IFRD1: variants seen among roughly 807,000 people sequenced by gnomAD.
IFRD1 encodes the protein interferon related developmental regulator 1.
A neutral mutation model predicts 52.9 loss-of-function variants in IFRD1; 35 were observed. That is an observed-to-expected ratio of 0.66 (90% CI 0.51 to 0.88). The LOEUF (loss-of-function observed/expected upper bound fraction) is 0.88, where lower values mean the gene tolerates loss of function less well. Ranked by LOEUF, IFRD1 falls within the 40% of genes least tolerant of loss-of-function variation. IFRD1 has a pLI of 0.00. For missense variants in IFRD1, 517 were observed against 550.8 expected (o/e 0.94, Z 0.61); for synonymous variants, 184 against 188.4 (o/e 0.98, Z 0.19).
At chr7:112,456,834 A>G in intron 3 of IFRD1, 80 bp from the exon 4 acceptor site, 1 of 1,344,420 alleles carries the variant, frequency 7.4e-7, no homozygotes, top group Non-Finnish European at 1.1e-6. Context: ...GGTAAAGTTT[A>G]GAAGGAAATA....
chr7:112,455,955 G>GT (rs779381754), intron 2 of IFRD1, 47 bp from the exon 3 acceptor site: 110 of 1,464,360 alleles, frequency 7.5e-5, no homozygotes, highest in Middle Eastern at 1.7e-4. Flanking sequence ...ATTATTCCCT[G>GT]TTTTTTTTCT....
At chr7:112,446,350 C>T (rs1329123293), upstream of IFRD1, 3 of 193,802 alleles carry the variant, frequency 1.5e-5, no homozygotes, top group East Asian at 1.4e-4. Context: ...CTTTCGCTTA[C>T]GCTTATTCTT....
intron 11 of IFRD1, among the ~76,000 whole-genome samples, chr7:112,473,893 C>T (rs1248508237): frequency 6.6e-6 from 1 of 152,158 alleles, no homozygotes; most frequent in African/African-American, 2.4e-5. Flanking sequence ...TGTTCATTAG[C>T]AGTCACTTCC....
At chr7:112,457,102 G>GT in intron 4 of IFRD1, 64 bp downstream of exon 4, 1 of 1,512,076 alleles carries the variant, frequency 6.6e-7, no homozygotes, top group Non-Finnish European at 9.2e-7. Flanking sequence ...CTTCTTTTCA[G>GT]TAACATTTAG....
chr7:112,451,833 C>G (rs149699806), intron 1 of IFRD1, among the ~76,000 whole-genome samples: 105 of 152,240 alleles, frequency 6.9e-4, no homozygotes, highest in African/African-American at 2.4e-3. Context: ...TATTAGCCAT[C>G]AGGTATTTTT....
rs557122719 is a variant in IFRD1 at position 112,426,281 on chromosome 7, C to T, written c.-182+2849C>T. Among the ~76,000 whole-genome samples the T allele has an allele frequency of 7.9e-5, 12 of 152,236 alleles. No homozygotes were observed. In the East Asian group the frequency reaches 9.7e-4, roughly 12 times the overall value. On this transcript the variant is annotated intron_variant, in intron 1 of 12. Coordinates refer to the IFRD1 transcript ENST00000005558. Reference sequence around the variant, plus strand: ...AGGCTCAGCTAGAAACGATATTCTCCAGTCTCCCTTGCAGTTGAGTATGGA... The same window carrying T: ...AGGCTCAGCTAGAAACGATATTCTCTAGTCTCCCTTGCAGTTGAGTATGGA...
At chr7:112,449,860 G>A (rs1795108814), upstream of IFRD1, among the ~76,000 whole-genome samples, 1 of 148,594 alleles carries the variant, frequency 6.7e-6, no homozygotes, top group Non-Finnish European at 1.5e-5. Flanking sequence ...ACATAACCCT[G>A]AACCACGGTC....
At chr7:112,450,873 T>C in intron 1 of IFRD1, 91 bp downstream of exon 1, 3 of 884,006 alleles carry the variant, frequency 3.4e-6, no homozygotes, top group Non-Finnish European at 3.8e-6. Flanking sequence ...TAGTTCTTTC[T>C]CTGATGTACA....
chr7:112,475,328 C>A, intron 11 of IFRD1, 102 bp from the exon 12 acceptor site: 1 of 710,250 alleles, frequency 1.4e-6, no homozygotes, highest in South Asian at 1.6e-5. Context: ...TTTATAGGGT[C>A]AAATTAGTTC....
At chr7:112,458,017 TG>T (rs1795337811) in intron 4 of IFRD1, 1 of 152,184 alleles carries the variant, frequency 6.6e-6, no homozygotes, top group African/African-American at 2.4e-5. Context: ...TGATATATCT[TG>T]TTATTGGTAT....
At chr7:112,425,547 G>A (rs189144963) in intron 1 of IFRD1, among the ~76,000 whole-genome samples, 39 of 152,214 alleles carry the variant, frequency 2.6e-4, no homozygotes, top group Admixed American at 5.9e-4. Context: ...GGCTTCTCAG[G>A]GGCTGTTGGA....
intron 5 of IFRD1, among the ~76,000 whole-genome samples, chr7:112,461,171 T>C (rs543328737): frequency 6.6e-6 from 1 of 152,274 alleles, no homozygotes; most frequent in African/African-American, 2.4e-5. Context: ...TGGGATTAAT[T>C]AATTAATTAG....
chr7:112,469,647 A>G (rs573434343), intron 9 of IFRD1, among the ~76,000 whole-genome samples: 1 of 152,172 alleles, frequency 6.6e-6, no homozygotes, highest in South Asian at 2.1e-4. Flanking sequence ...GCCCTCATGC[A>G]TCCCCTTTGA....
At chr7:112,454,429 G>GCAACTCC (rs1795238888) in intron 1 of IFRD1, among the ~76,000 whole-genome samples, 2 of 152,070 alleles carry the variant, frequency 1.3e-5, no homozygotes, top group Non-Finnish European at 2.9e-5. Flanking sequence ...CTGACCTCAG[G>GCAACTCC]TGATCTGCCG....
upstream of IFRD1, among the ~76,000 whole-genome samples, chr7:112,445,812 A>C (rs1795015140): frequency 6.6e-6 from 1 of 152,200 alleles, no homozygotes; most frequent in Admixed American, 6.5e-5. Flanking sequence ...AAGTGACAAA[A>C]CTGGGCTTTG....
At position 112,455,788 on chromosome 7, in the gene IFRD1, T is replaced by G. The variant is rs367584678; in HGVS notation, c.120T>G (p.Pro40=). 6.2e-7 allele frequency: 1 copy of G among 1,612,190 alleles called. No individual in the cohort carries two copies. Among genetic ancestry groups the G allele is most frequent in the Admixed American group, 1.7e-5 (1 of 60,004 alleles). ...TAGGQHRNVQ[P]FSDEDASIET... is the part of the protein sequence containing the mutation. The stretch of plus-strand genomic sequence containing the variant: ...GTGGCCAGCATCGAAATGTTCAGCC[T>G]TTTAGTGATGAAGATGCATCAATTG... Residue 40 remains proline (P), a synonymous_variant, in exon 2 of 12, where the codon CCT becomes CCG. Coordinates refer to ENST00000403825, the MANE Select transcript of IFRD1 (RefSeq NM_001550.4).
chr7:112,462,255 C>CT lies in IFRD1; in HGVS notation c.798-14dup. The stretch of plus-strand genomic sequence containing the variant: ...ATTGGTTGTATTCACATAGTAATGA[C>CT]TAACTATTTTTTAGGCATTTCCATA... On this transcript the variant is annotated splice_polypyrimidine_tract_variant and intron_variant, in intron 7 of 11. Coordinates refer to ENST00000403825, the MANE Select transcript of IFRD1 (RefSeq NM_001550.4). 1 of 1,607,818 alleles carries CT rather than the reference C, an allele frequency of 6.2e-7. No homozygotes were observed. Among genetic ancestry groups the CT allele is most frequent in the South Asian group, 1.1e-5 (1 of 90,964 alleles).
intron 5 of IFRD1, among the ~76,000 whole-genome samples, chr7:112,459,363 T>G (rs79009381): frequency 1.7e-3 from 259 of 152,302 alleles, no homozygotes; most frequent in Non-Finnish European, 2.8e-3. Flanking sequence ...TTGCAACACT[T>G]GACTTTAGAT....
intron 1 of IFRD1, chr7:112,452,565 C>A: frequency 2.0e-6 from 1 of 493,836 alleles, no homozygotes; most frequent in Non-Finnish European, 2.6e-6. Flanking sequence ...AGTTTGAAAG[C>A]TAAAGTTTGA....
Sources: gnomAD v4.1 joint callset for allele counts (sites outside exome capture counted in the v4.1 genomes callset) on GRCh38, gnomAD v4.1.1 for gene constraint, MANE v1.5 for transcripts, NCBI Gene and HGNC (gene_info 2026-07-23, HGNC 2026-07-21) for gene names.